The following CDH18 variants were observed in gnomAD, a reference collection of about 807,000 sequenced individuals.
CDH18 encodes cadherin-18.
CDH18 carries 31 observed loss-of-function variants against 67.9 expected under a neutral mutation model. The ratio of observed to expected loss-of-function variants is 0.46; its 90% CI spans 0.34 to 0.62. The LOEUF (loss-of-function observed/expected upper bound fraction) is 0.62. CDH18 is among the 20% of genes least tolerant of loss of function. The probability of loss-of-function intolerance (pLI) is 0.01; values close to 1 mark genes in which losing one functional copy is unlikely to be tolerated. For missense variants in CDH18, 890 were observed against 975.5 expected (o/e 0.91, Z 1.17); for synonymous variants, 362 against 347.2 (o/e 1.04, Z -0.48).
At chr5:20,018,151 G>A (rs1379312899) in intron 2 of CDH18, among the ~76,000 whole-genome samples, 1 of 152,116 alleles carries the variant, frequency 6.6e-6, no homozygotes, top group Non-Finnish European at 1.5e-5. Flanking sequence ...TGAAACTAAG[G>A]CACTGTGAGG....
In CDH18 at chr5:20,351,475, T is replaced by G. The variant is rs192006610; in HGVS notation, c.-579-95970A>C. Among the ~76,000 whole-genome samples, 225 of 152,302 alleles carry G rather than the reference T, an allele frequency of 1.5e-3. 1 individual carries two copies. The highest frequency in any genetic ancestry group is 5.2e-3 in the African/African-American group (217 of 41,582). On this transcript the variant is annotated intron_variant, in intron 1 of 14. Coordinates refer to the CDH18 transcript ENST00000507958. ...GAGGCACAGATCATCTGGCAGAGGC[T>G]GAAGATTTTGTTTTTCAGCACACTT...
intron 12 of CDH18, among the ~76,000 whole-genome samples, chr5:19,481,925 A>T (rs1003933286): frequency 6.6e-6 from 1 of 152,196 alleles, no homozygotes; most frequent in Non-Finnish European, 1.5e-5. Flanking sequence ...CCTTACATCC[A>T]TCTTTCTTGT....
Position 20,204,580 on chromosome 5 carries a change from T to G in CDH18, c.-518+50864A>C, listed in dbSNP as rs567932764. 3.9e-5 allele frequency among the ~76,000 whole-genome samples: 6 copies of G among 152,086 alleles called. 1 individual carries two copies. In the South Asian group the frequency reaches 6.2e-4, roughly 16 times the overall value. On this transcript the variant is annotated intron_variant, in intron 2 of 14. Coordinates refer to the CDH18 transcript ENST00000507958. ...TCAAAATCCCACTGATAAAATTAAG[T>G]GCACAGACAAATCCAAAATATTCTA...
chr5:20,137,616 T>G lies in CDH18; in HGVS notation c.-518+117828A>C, dbSNP rs141202024. Among the ~76,000 whole-genome samples the G allele has an allele frequency of 2.3e-3, 349 of 152,218 alleles. 3 individuals are homozygous for G. The highest frequency in any genetic ancestry group is 0.01 in the Middle Eastern group (3 of 294). ...CGTCAAAGTCATTCTCCGTCCACCT[T>G]TGTTCCATTGCTGGCAAGGAGCTGC... On this transcript the variant is annotated intron_variant, in intron 2 of 14. Transcript: ENST00000507958.
chr5:20,448,854 T>C (rs1388057347), intron 1 of CDH18, among the ~76,000 whole-genome samples: 1 of 152,090 alleles, frequency 6.6e-6, no homozygotes, highest in Non-Finnish European at 1.5e-5. Context: ...AAAGTACAGG[T>C]GCAACAAGCA....
chr5:20,574,683 TA>T (rs1235673694), intron 1 of CDH18, among the ~76,000 whole-genome samples: 1 of 152,094 alleles, frequency 6.6e-6, no homozygotes, highest in Non-Finnish European at 1.5e-5. Context: ...GATATCATTT[TA>T]AAAAACTCTA....
At chr5:19,642,006 A>G (rs1420626360) in intron 5 of CDH18, among the ~76,000 whole-genome samples, 19 of 152,000 alleles carry the variant, frequency 1.3e-4, no homozygotes, top group Non-Finnish European at 1.2e-4. Context: ...GCAGGATCCC[A>G]AATCAGTACA....
intron 2 of CDH18, among the ~76,000 whole-genome samples, chr5:20,122,845 C>A (rs1223082319): frequency 6.8e-6 from 1 of 147,080 alleles, no homozygotes. Context: ...TATATATTCC[C>A]TATATAACAT....
Position 19,611,824 on chromosome 5 carries a change from C to T in CDH18, c.811+610G>A, listed in dbSNP as rs1749009728. Among the ~76,000 whole-genome samples, 4 of 152,030 alleles carry T rather than the reference C, an allele frequency of 2.6e-5. No individual in the cohort carries two copies. In the South Asian group the frequency reaches 8.3e-4, roughly 32 times the overall value. On this transcript the variant is annotated intron_variant, in intron 6 of 12. Coordinates refer to ENST00000382275, the MANE Select transcript of CDH18 (RefSeq NM_004934.5). ...TAAACACCATCTCCCTCCAAACCCA[C>T]AGGATTCATATTTCTCCTCTCCCCC...
At chr5:20,134,180 G>T (rs556268881) in intron 2 of CDH18, among the ~76,000 whole-genome samples, 2 of 151,942 alleles carry the variant, frequency 1.3e-5, no homozygotes, top group South Asian at 4.2e-4. Context: ...CATGTTGGCC[G>T]CACTGGTCTC....
At chr5:20,106,065 T>G (rs973807306) in intron 2 of CDH18, among the ~76,000 whole-genome samples, 3 of 152,180 alleles carry the variant, frequency 2.0e-5, no homozygotes, top group Non-Finnish European at 2.9e-5. Context: ...TTTCATTGTA[T>G]TCCTTTGCTT....
chr5:20,398,761 C>G (rs1745499794), intron 1 of CDH18, among the ~76,000 whole-genome samples: 1 of 151,644 alleles, frequency 6.6e-6, no homozygotes, highest in Non-Finnish European at 1.5e-5. Flanking sequence ...AAAAAACCAC[C>G]AGGGCACACG....
At chr5:20,515,635 G>A (rs559929118) in intron 1 of CDH18, among the ~76,000 whole-genome samples, 1 of 152,070 alleles carries the variant, frequency 6.6e-6, no homozygotes, top group East Asian at 1.9e-4. Flanking sequence ...TTAATTCAAT[G>A]TGTCTAAGAC....
chr5:19,815,762 C>A (rs1779223014), intron 3 of CDH18, among the ~76,000 whole-genome samples: 1 of 151,952 alleles, frequency 6.6e-6, no homozygotes, highest in East Asian at 1.9e-4. Context: ...TTGAGCATCG[C>A]TCCTTTCTAT....
chr5:19,922,965 G>A (rs150588246), intron 2 of CDH18, among the ~76,000 whole-genome samples: 292 of 152,144 alleles, frequency 1.9e-3, no homozygotes, highest in African/African-American at 6.4e-3. Context: ...TAGATTCAAT[G>A]GCATTTTTAA....
At chr5:20,067,007 T>C (rs1043210389) in intron 2 of CDH18, among the ~76,000 whole-genome samples, 3 of 151,124 alleles carry the variant, frequency 2.0e-5, no homozygotes, top group Admixed American at 6.6e-5. Flanking sequence ...TAAATATATA[T>C]TGGAAAAAAA....
rs543939221 is a variant in CDH18, at chr5:19,886,649, T to C, written c.-256-47407A>G. 6.6e-5 allele frequency among the ~76,000 whole-genome samples: 10 copies of C among 152,254 alleles called. No homozygotes were observed. In the South Asian group the frequency reaches 1.0e-3, roughly 16 times the overall value. On this transcript the variant is annotated intron_variant, in intron 2 of 12. Coordinates refer to ENST00000382275, the MANE Select transcript of CDH18 (RefSeq NM_004934.5). The stretch of plus-strand genomic sequence containing the variant: ...AGCTTTCATAGAAATATATGACATA[T>C]ATAGGAGGGTGGCCACACTTGTTTC...
chr5:20,145,765 A>T (rs1750592929), intron 2 of CDH18, among the ~76,000 whole-genome samples: 1 of 152,172 alleles, frequency 6.6e-6, no homozygotes. Context: ...TTTTAAACTG[A>T]GTTCCATATA....
intron 7 of CDH18, among the ~76,000 whole-genome samples, chr5:19,590,661 C>T (rs1744968983): frequency 6.6e-6 from 1 of 152,052 alleles, no homozygotes; most frequent in Non-Finnish European, 1.5e-5. Context: ...ATCTCAGCCC[C>T]CTTCGTCATC....
Sources: allele counts gnomAD v4.1 joint callset (sites outside exome capture counted in the v4.1 genomes callset), GRCh38; gene constraint gnomAD v4.1.1; transcripts MANE v1.5; gene names NCBI Gene and HGNC (gene_info 2026-07-23, HGNC 2026-07-21).